The following CLIC5 variants were observed in gnomAD, a reference collection of about 807,000 sequenced individuals.
CLIC5 encodes the protein chloride intracellular channel protein 5.
CLIC5 carries 20 observed loss-of-function variants against 24.7 expected under a neutral mutation model. The observed-to-expected ratio is 0.81, with a 90% confidence interval of 0.57 to 1.18. The LOEUF is 1.18. CLIC5 is among the 50% of genes most tolerant of loss of function. CLIC5 has a pLI of 0.00. For synonymous variants in CLIC5, 159 were observed against 135.6 expected (o/e 1.17, Z -1.20); for missense variants, 341 against 326.1 (o/e 1.05, Z -0.35).
At chr6:45,998,580 G>A (rs1048769882) in intron 1 of CLIC5, among the ~76,000 whole-genome samples, 1 of 152,170 alleles carries the variant, frequency 6.6e-6, no homozygotes, top group Admixed American at 6.5e-5. Context: ...ATGCAGGATA[G>A]GAATATTAAT....
the CLIC5 span, among the ~76,000 whole-genome samples, chr6:46,099,924 G>A: frequency 6.6e-6 from 1 of 150,808 alleles, no homozygotes; most frequent in East Asian, 2.0e-4. Context: ...CAGAGGGAGA[G>A]ATTTCTATCT....
intron 1 of CLIC5, among the ~76,000 whole-genome samples, chr6:45,988,528 A>T (rs1030812453): frequency 6.6e-6 from 1 of 152,232 alleles, no homozygotes. Flanking sequence ...ATTAACCATC[A>T]CAAGGGGCTT....
the CLIC5 span, among the ~76,000 whole-genome samples, chr6:46,110,750 C>G: frequency 6.6e-6 from 1 of 152,192 alleles, no homozygotes; most frequent in African/African-American, 2.4e-5. Flanking sequence ...CAAGCACAGT[C>G]TGTTGGCAAA....
chr6:46,111,170 T>C, the CLIC5 span, among the ~76,000 whole-genome samples: 1 of 146,132 alleles, frequency 6.8e-6, no homozygotes, highest in Non-Finnish European at 1.5e-5. Flanking sequence ...TCACTAGAAA[T>C]CAAACCTGTC....
intron 1 of CLIC5, among the ~76,000 whole-genome samples, chr6:46,026,374 C>T (rs1581877426): frequency 1.3e-5 from 2 of 152,146 alleles, no homozygotes; most frequent in African/African-American, 4.8e-5. Context: ...TAGAATAAAA[C>T]ATTTTCTGGT....
chr6:46,127,200 A>G, the CLIC5 span, among the ~76,000 whole-genome samples: 1 of 152,178 alleles, frequency 6.6e-6, no homozygotes, highest in Non-Finnish European at 1.5e-5. Context: ...GGTATCCATT[A>G]CCTCGAGTAT....
chr6:46,027,910 C>T (rs1767385799), intron 1 of CLIC5, among the ~76,000 whole-genome samples: 3 of 152,188 alleles, frequency 2.0e-5, no homozygotes, highest in Admixed American at 6.5e-5. Flanking sequence ...CATTCCATTA[C>T]ATTGAAATTA....
At chr6:46,046,441 T>G (rs1767954389) in intron 1 of CLIC5, among the ~76,000 whole-genome samples, 1 of 152,128 alleles carries the variant, frequency 6.6e-6, no homozygotes, top group Non-Finnish European at 1.5e-5. Flanking sequence ...TGACTAACAG[T>G]GCAAAGAGAG....
At position 45,912,021 on chromosome 6, in the gene CLIC5, G is replaced by A. The variant is rs1004258960; in HGVS notation, c.588+2207C>T. 5.0e-5 allele frequency: 49 copies of A among 985,716 alleles called. No homozygotes were observed. The African/African-American group carries it at 8.2e-4, about 16-fold the overall frequency. The allele number at this position is 985,716 out of a possible 1,614,324, so 61.1% of individuals were successfully genotyped here. On this transcript the variant is annotated intron_variant, in intron 5 of 5. Transcript: ENST00000339561. ...AGCGAGCCACGCAAGAGGAGAGTGAGCATGAAAGCAGCAAGGGGGTAAGGA... is the reference window on the plus strand; with the variant it reads ...AGCGAGCCACGCAAGAGGAGAGTGAACATGAAAGCAGCAAGGGGGTAAGGA...
intron 1 of CLIC5, among the ~76,000 whole-genome samples, chr6:45,963,891 A>G (rs183088766): frequency 6.6e-6 from 1 of 152,196 alleles, no homozygotes; most frequent in Non-Finnish European, 1.5e-5. Context: ...TCAAAACTAA[A>G]TGATCTGACC....
At chr6:46,060,776 A>T (rs1197498468) in intron 1 of CLIC5, among the ~76,000 whole-genome samples, 1 of 152,096 alleles carries the variant, frequency 6.6e-6, no homozygotes, top group Non-Finnish European at 1.5e-5. Flanking sequence ...TTCCTTGAAA[A>T]ATCCAGTCCT....
chr6:45,984,427 C>T (rs1287026046), intron 1 of CLIC5, among the ~76,000 whole-genome samples: 1 of 152,180 alleles, frequency 6.6e-6, no homozygotes, highest in African/African-American at 2.4e-5. Flanking sequence ...TTCTACCCGG[C>T]TGTGTGGCTT....
chr6:46,128,268 AAG>A, the CLIC5 span, among the ~76,000 whole-genome samples: 131 of 152,284 alleles, frequency 8.6e-4, no homozygotes, highest in Non-Finnish European at 1.7e-3. Context: ...GCAGTGGATA[AAG>A]AGAGTCCTCT....
intron 1 of CLIC5, among the ~76,000 whole-genome samples, chr6:45,970,747 A>T (rs368412640): frequency 2.0e-5 from 3 of 152,352 alleles, no homozygotes; most frequent in South Asian, 4.1e-4. Context: ...GAAGTCAGAC[A>T]ACCTGCATAC....
intron 1 of CLIC5, among the ~76,000 whole-genome samples, chr6:46,056,823 C>T (rs1013991774): frequency 2.6e-5 from 4 of 152,146 alleles, no homozygotes; most frequent in South Asian, 2.1e-4. Context: ...TCTTGTTTCT[C>T]TTTTAAACTT....
At chr6:46,003,437 C>T (rs768599277) in intron 1 of CLIC5, among the ~76,000 whole-genome samples, 1 of 152,142 alleles carries the variant, frequency 6.6e-6, no homozygotes, top group Non-Finnish European at 1.5e-5. Flanking sequence ...AACAACAACA[C>T]CAACAACAAA....
intron 4 of CLIC5, among the ~76,000 whole-genome samples, chr6:45,922,906 A>C (rs903005684): frequency 6.6e-6 from 1 of 151,948 alleles, no homozygotes. Flanking sequence ...CTCAGGAGTG[A>C]TCAGGGGAGA....
At chr6:46,059,633 G>A (rs1314653204) in intron 1 of CLIC5, among the ~76,000 whole-genome samples, 1 of 152,216 alleles carries the variant, frequency 6.6e-6, no homozygotes, top group African/African-American at 2.4e-5. Context: ...AAACAAGCCT[G>A]TGAAGTGGGC....
chr6:46,005,668 G>A (rs998161333), intron 1 of CLIC5, among the ~76,000 whole-genome samples: 3 of 152,062 alleles, frequency 2.0e-5, no homozygotes, highest in East Asian at 1.9e-4. Flanking sequence ...CATCTCTGAG[G>A]TGTTGGCATT....
Sources: gnomAD v4.1 joint callset for allele counts (sites outside exome capture counted in the v4.1 genomes callset) on GRCh38, gnomAD v4.1.1 for gene constraint, MANE v1.5 for transcripts, NCBI Gene and HGNC (gene_info 2026-07-23, HGNC 2026-07-21) for gene names.